Variants in FHIT observed in about 807,000 individuals in gnomAD.
The protein encoded by FHIT is fragile histidine triad diadenosine triphosphatase.
FHIT carries 19 observed loss-of-function variants against 17.9 expected under a neutral mutation model. That is an observed-to-expected ratio of 1.06 (90% CI 0.74 to 1.56). The LOEUF (loss-of-function observed/expected upper bound fraction) is 1.56, where lower values mean the gene tolerates loss of function less well. Among genes scored for constraint, FHIT ranks in the 40% most tolerant of loss-of-function variants. The pLI is 0.00. For synonymous variants in FHIT, 81 were observed against 69.7 expected, an observed-to-expected ratio of 1.16 and a Z score of -0.81; for missense variants, 248 against 189.2, an observed-to-expected ratio of 1.31 and a Z score of -1.82.
intron 5 of FHIT, among the ~76,000 whole-genome samples, chr3:60,305,960 A>T (rs145231312): frequency 3.0e-3 from 463 of 152,258 alleles, no homozygotes; most frequent in African/African-American, 0.011. Context: ...CTTAATTCTT[A>T]ATGTTTATAA....
intron 5 of FHIT, among the ~76,000 whole-genome samples, chr3:60,319,871 A>T (rs1486556271): frequency 6.6e-6 from 1 of 152,024 alleles, no homozygotes; most frequent in African/African-American, 2.4e-5. Flanking sequence ...CTTTAATTTC[A>T]TGGGAAGGGG....
intron 2 of FHIT, among the ~76,000 whole-genome samples, chr3:61,145,463 T>G (rs1206615675): frequency 6.6e-6 from 1 of 152,100 alleles, no homozygotes; most frequent in African/African-American, 2.4e-5. Flanking sequence ...GTCTTCAAAC[T>G]TCTTTCTTCT....
chr3:61,022,769 A>G (rs2032518567), intron 3 of FHIT, among the ~76,000 whole-genome samples: 1 of 152,222 alleles, frequency 6.6e-6, no homozygotes, highest in Non-Finnish European at 1.5e-5. Context: ...ATAGATGCAG[A>G]AAAGGCCTTC....
intron 5 of FHIT, among the ~76,000 whole-genome samples, chr3:60,232,982 G>A (rs370479461): frequency 3.8e-4 from 58 of 152,124 alleles, no homozygotes; most frequent in African/African-American, 1.4e-3. Flanking sequence ...GAGATCTATG[G>A]TGACAAATGA....
chr3:60,625,083 A>AT (rs2039248403), intron 4 of FHIT, among the ~76,000 whole-genome samples: 2 of 152,076 alleles, frequency 1.3e-5, no homozygotes, highest in Admixed American at 6.6e-5. Context: ...AAATTTTTGT[A>AT]TTTTTTGTAG....
intron 4 of FHIT, among the ~76,000 whole-genome samples, chr3:60,779,805 G>A (rs1033064387): frequency 3.3e-5 from 5 of 152,158 alleles, no homozygotes; most frequent in South Asian, 2.1e-4. Flanking sequence ...ACAGGTGAGC[G>A]TGACTGATTC....
chr3:60,820,942 T>G (rs1454402432), intron 4 of FHIT, among the ~76,000 whole-genome samples: 1 of 149,304 alleles, frequency 6.7e-6, no homozygotes, highest in Non-Finnish European at 1.5e-5. Context: ...ATTACCAGAT[T>G]AGTGCATTGC....
At chr3:61,202,830 T>A (rs1048350228) in intron 1 of FHIT, among the ~76,000 whole-genome samples, 103 of 152,220 alleles carry the variant, frequency 6.8e-4, no homozygotes, top group African/African-American at 2.5e-3. Flanking sequence ...GGCAGGCAGA[T>A]AACCTGAAGT....
intron 3 of FHIT, among the ~76,000 whole-genome samples, chr3:61,003,407 T>C (rs1485858251): frequency 6.6e-6 from 1 of 152,240 alleles, no homozygotes; most frequent in East Asian, 1.9e-4. Flanking sequence ...GACCAAGCAC[T>C]ACCAAGCTTT....
intron 4 of FHIT, among the ~76,000 whole-genome samples, chr3:60,604,005 A>C (rs1553669912): frequency 1.3e-5 from 2 of 152,178 alleles, no homozygotes; most frequent in African/African-American, 4.8e-5. Context: ...AACAGCTCAG[A>C]GTTGTTGAGT....
At chr3:60,358,223 A>G (rs925381871) in intron 5 of FHIT, among the ~76,000 whole-genome samples, 6 of 152,228 alleles carry the variant, frequency 3.9e-5, no homozygotes, top group African/African-American at 1.4e-4. Context: ...TGTGACATAA[A>G]ATAGATTAAA....
At chr3:60,752,205 G>A (rs1431631399) in intron 4 of FHIT, among the ~76,000 whole-genome samples, 4 of 152,094 alleles carry the variant, frequency 2.6e-5, no homozygotes, top group Non-Finnish European at 5.9e-5. Flanking sequence ...GAAATAAAAG[G>A]TTGTTTTCAC....
chr3:60,524,233 C>G, intron 5 of FHIT, among the ~76,000 whole-genome samples: 1 of 105,358 alleles, frequency 9.5e-6, no homozygotes, highest in African/African-American at 3.0e-5. Flanking sequence ...CACACACACA[C>G]ACACACACAC....
intron 5 of FHIT, among the ~76,000 whole-genome samples, chr3:60,279,278 G>A (rs1346435656): frequency 6.6e-6 from 1 of 152,042 alleles, no homozygotes; most frequent in Non-Finnish European, 1.5e-5. Context: ...TCTCAAATTT[G>A]ATAACTTAGA....
chr3:60,689,850 C>T (rs782252673), intron 4 of FHIT, among the ~76,000 whole-genome samples: 3 of 152,014 alleles, frequency 2.0e-5, no homozygotes, highest in Non-Finnish European at 2.9e-5. Flanking sequence ...CTTATTAAAG[C>T]ATTATTTTGT....
rs550757592 is a variant in FHIT at position 60,818,461 on chromosome 3, T to G, written c.-18+3458A>C. 2.6e-5 allele frequency among the ~76,000 whole-genome samples: 4 copies of G among 152,302 alleles called. No homozygotes were observed. In the South Asian group the frequency reaches 8.3e-4, roughly 32 times the overall value. ...GGTAGCAGCTCGAATCTCAGTTCAG[T>G]TCTTTTATCTTTGTGATAATTTGTG... On this transcript the variant is annotated intron_variant, in intron 4 of 9. Transcript: ENST00000492590.
intron 5 of FHIT, among the ~76,000 whole-genome samples, chr3:60,062,883 C>G (rs1324411000): frequency 1.3e-5 from 2 of 151,922 alleles, no homozygotes; most frequent in Admixed American, 6.6e-5. Flanking sequence ...ATGTTAATAG[C>G]CATAAAGGCC....
intron 8 of FHIT, among the ~76,000 whole-genome samples, chr3:59,754,014 A>T (rs929964422): frequency 6.6e-6 from 1 of 151,756 alleles, no homozygotes; most frequent in Non-Finnish European, 1.5e-5. Flanking sequence ...ACTCAGCAAA[A>T]AGTCTATCAA....
At chr3:61,243,282 C>T (rs541924144) in intron 1 of FHIT, among the ~76,000 whole-genome samples, 13 of 152,232 alleles carry the variant, frequency 8.5e-5, no homozygotes, top group Non-Finnish European at 1.6e-4. Context: ...CTATGAAGGC[C>T]TCTGTATGCA....
Sources: gnomAD v4.1 joint callset for allele counts (sites outside exome capture counted in the v4.1 genomes callset) on GRCh38, gnomAD v4.1.1 for gene constraint, MANE v1.5 for transcripts, NCBI Gene and HGNC (gene_info 2026-07-23, HGNC 2026-07-21) for gene names.